The following PAOX variants were observed in gnomAD, a reference collection of about 807,000 sequenced individuals.
PAOX encodes the protein peroxisomal N(1)-acetyl-spermine/spermidine oxidase.
PAOX carries 38 observed loss-of-function variants against 39.0 expected under a neutral mutation model. The ratio of observed to expected loss-of-function variants is 0.97; its 90% CI spans 0.75 to 1.28. PAOX has a LOEUF of 1.28. Ranked by LOEUF, PAOX falls within the 50% of genes most tolerant of loss-of-function variation. The pLI is 0.00. For missense variants in PAOX, 667 were observed against 685.7 expected (o/e 0.97, Z 0.30); for synonymous variants, 311 against 314.4 (o/e 0.99, Z 0.11).
In PAOX at chr10:133,384,740, C is replaced by T. The variant is rs779659207; in HGVS notation, c.1121+528C>T. ...CATGAGTGATGTGGGGATGGAGGGA[C>T]TGACTTTTCCAGCAAGATTAAAACA... On this transcript the variant is annotated intron_variant, in intron 4 of 6. Transcript: ENST00000278060. This position sits in a 1 kb window ranked among gnomAD's most constrained non-coding sequence, Gnocchi z 4.3. Among the ~76,000 whole-genome samples the T allele has an allele frequency of 2.0e-5, 3 of 152,170 alleles. No individual in the cohort carries two copies. Among genetic ancestry groups the T allele is most frequent in the Non-Finnish European group, 2.9e-5 (2 of 68,044 alleles).
intron 6 of PAOX, 169 bp from the exon 7 acceptor site, chr10:133,391,143 T>C: frequency 1.4e-6 from 1 of 725,776 alleles, no homozygotes; most frequent in South Asian, 1.5e-5. Flanking sequence ...TGAGCTGTTT[T>C]CCTGGCTATT....
At chr10:133,387,329 T>C (rs1849554452) in intron 4 of PAOX, among the ~76,000 whole-genome samples, 1 of 152,202 alleles carries the variant, frequency 6.6e-6, no homozygotes. Flanking sequence ...CAAATGTTGA[T>C]ACATTTCATT....
rs1027693363 is a variant in PAOX at position 133,379,461 on chromosome 10, C to T, written c.145C>T (p.Arg49Cys). Residue 49 changes from arginine (R) to cysteine (C), a missense_variant, in exon 1 of 7, where the codon CGC becomes TGC. Coordinates refer to ENST00000278060, the MANE Select transcript of PAOX (RefSeq NM_152911.4). ...CCTGCGGGTCCTGGAGGCCACGGCC[C>T]GCGCCGGGGGCCGCATCCGCTCGGA... Reference protein sequence around the residue: ...PHLRVLEATARAGGRIRSERC... With the variant: ...PHLRVLEATACAGGRIRSERC... The T allele has an allele frequency of 4.9e-6, 6 of 1,225,558 alleles. No individual in the cohort carries two copies. The African/African-American group carries it at 7.8e-5, about 16-fold the overall frequency. 75.9% of individuals were successfully genotyped at this position (1,225,558 alleles called of 1,614,324 possible).
intron 6 of PAOX, 111 bp downstream of exon 6, chr10:133,389,858 C>G: frequency 8.5e-7 from 1 of 1,182,026 alleles, no homozygotes; most frequent in Non-Finnish European, 1.1e-6. Flanking sequence ...ATCCCAGACT[C>G]GGAAGCCATT....
chr10:133,391,675 T>A lies in PAOX; in HGVS notation c.*220T>A. 1 of 682,186 alleles carries A rather than the reference T, an allele frequency of 1.5e-6. No individual in the cohort carries two copies. The highest frequency in any genetic ancestry group is 2.9e-5 in the East Asian group (1 of 34,810). 42.3% of individuals were successfully genotyped at this position (682,186 alleles called of 1,614,324 possible). On this transcript the variant is annotated 3_prime_UTR_variant, in exon 7 of 7. Coordinates refer to ENST00000278060, the MANE Select transcript of PAOX (RefSeq NM_152911.4). ...GATGCTCACGGAGATGCTGGACACA[T>A]AAAGCAAGTTACAGCCACAGCTCCC...
chr10:133,389,788 C>T, intron 6 of PAOX, 41 bp downstream of exon 6: 2 of 1,410,900 alleles, frequency 1.4e-6, no homozygotes, highest in South Asian at 1.5e-5. Context: ...GGTCCCGCTG[C>T]AGAGGCCCCC....
chr10:133,382,928 T>C (rs1356607380), intron 3 of PAOX: 2 of 152,248 alleles, frequency 1.3e-5, no homozygotes, highest in African/African-American at 4.8e-5. Flanking sequence ...GCTTTGTTCA[T>C]TCACGTTTGG....
chr10:133,379,859 C>T, intron 1 of PAOX, 140 bp from the exon 2 acceptor site: 2 of 1,165,724 alleles, frequency 1.7e-6, no homozygotes, highest in Admixed American at 2.7e-5. Context: ...AGGGCCCTGC[C>T]CTGGGGGACC....
chr10:133,380,958 A>T (rs1849351631), intron 2 of PAOX, among the ~76,000 whole-genome samples: 1 of 152,242 alleles, frequency 6.6e-6, no homozygotes, highest in African/African-American at 2.4e-5. Flanking sequence ...AACCTGGGCG[A>T]CAGAGTGAGA....
intron 6 of PAOX, chr10:133,390,960 G>A: frequency 1.4e-6 from 1 of 701,986 alleles, no homozygotes; most frequent in Non-Finnish European, 2.6e-6. Context: ...CCCATTGGTG[G>A]ATGCGTGTGA....
chr10:133,390,550 C>T (rs1383503498), intron 6 of PAOX, among the ~76,000 whole-genome samples: 2 of 152,118 alleles, frequency 1.3e-5, no homozygotes, highest in African/African-American at 2.4e-5. Flanking sequence ...GGACTCCAGC[C>T]TGGGTGTCAG....
chr10:133,380,362 C>T lies in PAOX; in HGVS notation c.545C>T (p.Ala182Val), dbSNP rs759257897. 6.2e-7 allele frequency: 1 copy of T among 1,612,922 alleles called. No individual in the cohort carries two copies. Among genetic ancestry groups the T allele is most frequent in the Non-Finnish European group, 8.5e-7 (1 of 1,180,030 alleles). The change falls in exon 2 of 7, where the codon GCC (alanine) becomes GTC (valine). Residue 182 changes from alanine to valine, a missense_variant. By Grantham distance (64) the Ala-to-Val change is moderately conservative. Transcript: ENST00000278060. Reference protein sequence around the residue: ...EDEETRKLKLAVLNSFFNLEC... With the variant: ...EDEETRKLKLVVLNSFFNLEC... Reference sequence around the variant, plus strand: ...GAGGAGACCAGGAAGCTGAAGCTGGCCGTCCTGAACTCCTTCTTCAACCTG... The same window carrying T: ...GAGGAGACCAGGAAGCTGAAGCTGGTCGTCCTGAACTCCTTCTTCAACCTG...
intron 3 of PAOX, 107 bp downstream of exon 3, chr10:133,381,766 T>G (rs1376199319): frequency 1.7e-6 from 2 of 1,145,848 alleles, no homozygotes; most frequent in Non-Finnish European, 2.5e-6. Context: ...AGCTCACATT[T>G]TCGTTCTAGT....
rs1015401431 is a variant in PAOX at position 133,384,521 on chromosome 10, T to C, written c.1121+309T>C. Among the ~76,000 whole-genome samples, 24 of 152,166 alleles carry C rather than the reference T, an allele frequency of 1.6e-4. No individual in the cohort carries two copies. Among genetic ancestry groups the C allele is most frequent in the African/African-American group, 5.8e-4 (24 of 41,450 alleles). ...TGGAATGTTGCAGGGAGCTGGGGCT[T>C]GTAGATACAGAAGAACTTTGAAACA... On this transcript the variant is annotated intron_variant, in intron 4 of 6. Coordinates refer to ENST00000278060, the MANE Select transcript of PAOX (RefSeq NM_152911.4). This position sits in a 1 kb window ranked among gnomAD's most constrained non-coding sequence, Gnocchi z 4.3.
chr10:133,389,121 C>A, intron 5 of PAOX, 53 bp downstream of exon 5: 1 of 1,391,864 alleles, frequency 7.2e-7, no homozygotes, highest in Non-Finnish European at 1.0e-6. Flanking sequence ...ACTGGTTGAT[C>A]TCTAAACAGA....
Position 133,381,565 on chromosome 10 carries a change from G to A in PAOX, c.774G>A (p.Glu258=). The change falls in exon 3 of 7, where the codon GAG becomes GAA. Residue 258 remains glutamate (E), a synonymous_variant. Transcript: ENST00000278060. ...KTIHWNGSFQ[E]AAFPGETFPV... The stretch of plus-strand genomic sequence containing the variant: ...TCCACTGGAACGGGTCCTTCCAGGA[G>A]GCAGCCTTTCCCGGGGAGACCTTTC... 1 of 1,613,862 alleles carries A rather than the reference G, an allele frequency of 6.2e-7. No homozygotes were observed.
rs1381991854 is a variant in PAOX, at chr10:133,388,902, GCTCT to G, written c.1122-51_1122-48del. 6 of 768,120 alleles carry G rather than the reference GCTCT, an allele frequency of 7.8e-6. No homozygotes were observed. In the African/African-American group the frequency reaches 1.0e-4, roughly 13 times the overall value. The allele number at this position is 768,120 out of a possible 1,614,324, so 47.6% of individuals were successfully genotyped here. ...TCCATGCAGGTCTGGTCATCCCAGG[GCTCT>G]CTTTCTCCATGCAGGTCTGGTCATC... is the stretch of plus-strand genomic sequence containing the variant. On this transcript the variant is annotated intron_variant, in intron 4 of 6. Coordinates refer to ENST00000278060, the MANE Select transcript of PAOX (RefSeq NM_152911.4).
intron 3 of PAOX, 28 bp from the exon 4 acceptor site, chr10:133,383,932 G>GT (rs1849464744): frequency 6.2e-7 from 1 of 1,600,504 alleles, no homozygotes; most frequent in Admixed American, 1.7e-5. Context: ...TTTATGTGAT[G>GT]TAAGAAGAGT....
intron 4 of PAOX, among the ~76,000 whole-genome samples, chr10:133,385,139 TAC>T: frequency 6.6e-6 from 1 of 152,072 alleles, no homozygotes. Flanking sequence ...CTACTAAAAA[TAC>T]AAAAAATTAG....
Sources: gnomAD v4.1 joint callset for allele counts (sites outside exome capture counted in the v4.1 genomes callset) on GRCh38, gnomAD v4.1.1 for gene constraint, Gnocchi (gnomAD v3.1) non-coding constraint, MANE v1.5 for transcripts, NCBI Gene and HGNC (gene_info 2026-07-23, HGNC 2026-07-21) for gene names.